NEK1: variants seen among roughly 807,000 people sequenced by gnomAD.
NEK1 encodes the protein serine/threonine-protein kinase Nek1.
NEK1 carries 137 observed loss-of-function variants against 182.1 expected under a neutral mutation model. That is an observed-to-expected ratio of 0.75 (90% CI 0.65 to 0.87). The LOEUF is 0.87. Among genes scored for constraint, NEK1 ranks in the 40% least tolerant of loss-of-function variants. The probability of loss-of-function intolerance (pLI) is 0.00; values close to 1 mark genes in which losing one functional copy is unlikely to be tolerated. For missense variants in NEK1, 1,391 were observed against 1,494.4 expected (o/e 0.93, Z 1.14); for synonymous variants, 513 against 492.2 (o/e 1.04, Z -0.56).
intron 31 of NEK1, among the ~76,000 whole-genome samples, chr4:169,409,115 C>T (rs909022578): frequency 6.6e-5 from 10 of 151,984 alleles, no homozygotes; most frequent in African/African-American, 2.4e-4. Flanking sequence ...CCCTTTTCAC[C>T]ACATCCAAGC....
chr4:169,483,865 CAAAAAAAAAA>C (rs376726833), intron 23 of NEK1, among the ~76,000 whole-genome samples: 1 of 117,324 alleles, frequency 8.5e-6, no homozygotes, highest in African/African-American at 3.2e-5. Context: ...GACTCTGTCT[CAAAAAAAAAA>C]AAAAAAAAAG....
intron 18 of NEK1, among the ~76,000 whole-genome samples, chr4:169,553,710 A>G (rs1355785896): frequency 6.6e-6 from 1 of 152,254 alleles, no homozygotes; most frequent in Non-Finnish European, 1.5e-5. Context: ...CAGACAACTC[A>G]TCAAGAAAGA....
chr4:169,587,671 G>T, intron 8 of NEK1, 58 bp from the exon 9 acceptor site: 1 of 1,074,798 alleles, frequency 9.3e-7, no homozygotes, highest in Admixed American at 2.3e-5. Context: ...TTCATTTAAA[G>T]GAAACACAAA....
In NEK1 at chr4:169,611,972, T is replaced by G. The variant is rs184878314; in HGVS notation, c.-49+48A>C. The G allele has an allele frequency of 7.2e-5, 11 of 152,348 alleles. No individual in the cohort carries two copies. In the East Asian group the frequency reaches 2.1e-3, roughly 29 times the overall value. 9.4% of individuals were successfully genotyped at this position (152,348 alleles called of 1,614,324 possible). The stretch of plus-strand genomic sequence containing the variant: ...TTCTACGCACATCTCATTTCCAGGA[T>G]GATTTTTACCATTTTGCATGTCATT... On this transcript the variant is annotated intron_variant, in intron 2 of 35. Transcript: ENST00000507142.
chr4:169,558,664 T>C (rs1167439558), intron 16 of NEK1, among the ~76,000 whole-genome samples: 1 of 152,204 alleles, frequency 6.6e-6, no homozygotes, highest in Non-Finnish European at 1.5e-5. Flanking sequence ...ACCTCTTCCA[T>C]ATTATAATCA....
chr4:169,584,623 A>T (rs1012260791), intron 10 of NEK1, among the ~76,000 whole-genome samples: 12 of 152,254 alleles, frequency 7.9e-5, no homozygotes, highest in Admixed American at 2.6e-4. Flanking sequence ...AAAATAATTT[A>T]AAAAAAATTT....
intron 18 of NEK1, among the ~76,000 whole-genome samples, chr4:169,547,128 T>C (rs778935787): frequency 3.9e-5 from 6 of 152,204 alleles, no homozygotes; most frequent in Admixed American, 1.3e-4. Flanking sequence ...TTCCTTTCCA[T>C]GTTTAGTGCT....
At chr4:169,491,162 A>AAAAAAAAAAAAAAAAAAAG (rs1554047307) in intron 23 of NEK1, among the ~76,000 whole-genome samples, 1 of 122,834 alleles carries the variant, frequency 8.1e-6, no homozygotes, top group African/African-American at 3.2e-5. Context: ...AAAAAAAAAA[A>AAAAAAAAAAAAAAAAAAAG]AGAGAGATGG....
intron 32 of NEK1, 124 bp from the exon 33 acceptor site, chr4:169,401,984 C>T: frequency 4.2e-6 from 3 of 710,884 alleles, no homozygotes; most frequent in Non-Finnish European, 6.5e-6. Context: ...TTAAAAAATC[C>T]TAATAGTAGA....
intron 30 of NEK1, among the ~76,000 whole-genome samples, chr4:169,425,355 G>A (rs900718991): frequency 5.3e-5 from 8 of 151,592 alleles, no homozygotes; most frequent in Admixed American, 2.0e-4. Context: ...CCAGGAGTTC[G>A]AGGCTGCAGT....
At chr4:169,396,918 G>T (rs1730817263) in intron 35 of NEK1, among the ~76,000 whole-genome samples, 1 of 152,068 alleles carries the variant, frequency 6.6e-6, no homozygotes, top group African/African-American at 2.4e-5. Context: ...CTAAAAGATA[G>T]CTGTCTGGAC....
chr4:169,561,518 T>G lies in NEK1; in HGVS notation c.1228A>C (p.Arg410=), dbSNP rs1195447835. ...RINRAREQGW[R]NVLSAGGSGE... ...CTTCCACCAGCACTTAGCACATTTC[T>G]CCATCCTTGTTCCCTGGCCCTATTT... Residue 410 remains arginine (R), a synonymous_variant, in exon 16 of 36, where the codon AGA becomes CGA. Coordinates refer to ENST00000507142, the MANE Select transcript of NEK1 (RefSeq NM_001199397.3). The G allele has an allele frequency of 2.5e-6, 4 of 1,613,522 alleles. No homozygotes were observed. The African/African-American group carries it at 5.3e-5, about 22-fold the overall frequency.
At chr4:169,412,460 C>G (rs1240036368) in intron 31 of NEK1, among the ~76,000 whole-genome samples, 1 of 152,166 alleles carries the variant, frequency 6.6e-6, no homozygotes, top group Non-Finnish European at 1.5e-5. Flanking sequence ...TTCTCCCTAA[C>G]AGGACAAAGA....
In NEK1 at chr4:169,555,774, A is replaced by AT; in HGVS notation, c.1507dup (p.Ile503AsnfsTer2). On this transcript the variant is annotated frameshift_variant, in exon 18 of 36. Coordinates refer to ENST00000507142, the MANE Select transcript of NEK1 (RefSeq NM_001199397.3). LOFTEE classifies it high-confidence loss of function. Reference sequence around the variant, plus strand: ...CTTCAATCTTTTCAAAGTTTTTCTAATATCATCAGCATCAGGAAAATGGTG... The same window carrying AT: ...CTTCAATCTTTTCAAAGTTTTTCTAATTATCATCAGCATCAGGAAAATGGTG... 1 of 1,613,908 alleles carries AT rather than the reference A, an allele frequency of 6.2e-7. No individual in the cohort carries two copies. The highest frequency in any genetic ancestry group is 1.1e-5 in the South Asian group (1 of 91,076).
At chr4:169,444,531 T>C (rs1447029181) in intron 27 of NEK1, among the ~76,000 whole-genome samples, 2 of 152,002 alleles carry the variant, frequency 1.3e-5, no homozygotes, top group Non-Finnish European at 2.9e-5. Flanking sequence ...GGTCATTACA[T>C]AATGATGAAG....
chr4:169,504,796 T>G (rs1383767924), intron 23 of NEK1, among the ~76,000 whole-genome samples: 2 of 152,174 alleles, frequency 1.3e-5, no homozygotes, highest in Non-Finnish European at 2.9e-5. Context: ...ATGAATAAGA[T>G]TCAGTATTTG....
chr4:169,585,782 T>C (rs2150072239), intron 9 of NEK1, among the ~76,000 whole-genome samples: 1 of 152,274 alleles, frequency 6.6e-6, no homozygotes, highest in Non-Finnish European at 1.5e-5. Context: ...AGATGGGATG[T>C]ATTAAATAAA....
chr4:169,562,389 A>G (rs1763051776), intron 12 of NEK1, among the ~76,000 whole-genome samples, 193 bp from the exon 13 acceptor site: 1 of 152,112 alleles, frequency 6.6e-6, no homozygotes, highest in Admixed American at 6.5e-5. Flanking sequence ...CATTAGATTC[A>G]AAGAAACTGT....
intron 23 of NEK1, among the ~76,000 whole-genome samples, chr4:169,486,505 T>C (rs763668487): frequency 1.3e-5 from 2 of 152,242 alleles, no homozygotes; most frequent in Non-Finnish European, 2.9e-5. Context: ...GCTAGGAAAG[T>C]ATTAAATGAC....
Sources: allele counts gnomAD v4.1 joint callset (sites outside exome capture counted in the v4.1 genomes callset), GRCh38; gene constraint gnomAD v4.1.1; transcripts MANE v1.5; gene names NCBI Gene and HGNC (gene_info 2026-07-23, HGNC 2026-07-21).